Variants in MAML3 observed in about 807,000 individuals in gnomAD.
MAML3 encodes mastermind like transcriptional coactivator 3, also known as mastermind-like protein 3.
Under a neutral mutation model 101.9 loss-of-function variants are expected in MAML3, and 27 were observed. The observed-to-expected ratio is 0.27, with a 90% CI of 0.20 to 0.37. The LOEUF is 0.37. Ranked by LOEUF, MAML3 falls within the 10% of genes least tolerant of loss-of-function variation. MAML3 has a pLI of 1.00. For synonymous variants in MAML3, 501 were observed against 555.9 expected, an observed-to-expected ratio of 0.90 and a Z score of 1.39; for missense variants, 1,316 against 1,444.9, an observed-to-expected ratio of 0.91 and a Z score of 1.45.
At chr4:139,974,450 A>G (rs1056711521) in intron 1 of MAML3, among the ~76,000 whole-genome samples, 1 of 152,160 alleles carries the variant, frequency 6.6e-6, no homozygotes, top group Non-Finnish European at 1.5e-5. Context: ...TACTATGTTA[A>G]CCACTATTAT....
At chr4:139,830,928 A>T (rs1483277102) in intron 2 of MAML3, among the ~76,000 whole-genome samples, 1 of 152,168 alleles carries the variant, frequency 6.6e-6, no homozygotes, top group East Asian at 1.9e-4. Flanking sequence ...TGAGGATACA[A>T]AGGATTCCTT....
rs780078440 is a variant in MAML3, at chr4:139,719,680, G to C, written c.3060C>G (p.Thr1020=). 2 of 1,613,326 alleles carry C rather than the reference G, an allele frequency of 1.2e-6. No homozygotes were observed. The highest frequency in any genetic ancestry group is 1.7e-6 in the Non-Finnish European group (2 of 1,179,724). ...GCCGACCCATGGCAGCTGGGTTGAG[G>C]GTCCTCACTGTGCCCGTGTTAGCAT... is the stretch of plus-strand genomic sequence containing the variant. ...VVDANTGTVR[T]LNPAAMGRQM... is the part of the protein sequence containing the mutation. Residue 1020 remains threonine, a synonymous_variant, in exon 5 of 5, where the codon ACC becomes ACG. Coordinates refer to ENST00000509479, the MANE Select transcript of MAML3 (RefSeq NM_018717.5).
At chr4:139,878,163 A>G (rs1171855863) in intron 2 of MAML3, among the ~76,000 whole-genome samples, 1 of 152,204 alleles carries the variant, frequency 6.6e-6, no homozygotes, top group East Asian at 1.9e-4. Flanking sequence ...TGGCCACGGA[A>G]GGAATAATGC....
intron 1 of MAML3, among the ~76,000 whole-genome samples, chr4:140,116,792 T>C (rs1186635174): frequency 1.3e-5 from 2 of 152,256 alleles, no homozygotes; most frequent in Non-Finnish European, 2.9e-5. Flanking sequence ...CTTGTAAAGA[T>C]GTGACTAGGG....
intron 1 of MAML3, among the ~76,000 whole-genome samples, chr4:140,136,141 C>T (rs1728879532): frequency 6.6e-6 from 1 of 152,152 alleles, no homozygotes; most frequent in Admixed American, 6.5e-5. Context: ...TTTTGGCTCT[C>T]CCCACTCATT....
chr4:139,745,783 C>T (rs1729299642), intron 2 of MAML3, among the ~76,000 whole-genome samples: 1 of 152,206 alleles, frequency 6.6e-6, no homozygotes, highest in Admixed American at 6.5e-5. Context: ...GGATTTTAAA[C>T]ATACCACCTG....
At chr4:139,825,316 T>C (rs1317796288) in intron 2 of MAML3, among the ~76,000 whole-genome samples, 1 of 152,214 alleles carries the variant, frequency 6.6e-6, no homozygotes, top group Non-Finnish European at 1.5e-5. Flanking sequence ...ATTTACTTTC[T>C]CTGGCTGAAC....
chr4:139,799,244 A>G (rs1730566214), intron 2 of MAML3, among the ~76,000 whole-genome samples: 1 of 152,210 alleles, frequency 6.6e-6, no homozygotes, highest in African/African-American at 2.4e-5. Flanking sequence ...TAAGCGACCA[A>G]CTTCTAAAGC....
At chr4:140,051,773 A>T (rs1727273671) in intron 1 of MAML3, among the ~76,000 whole-genome samples, 1 of 152,136 alleles carries the variant, frequency 6.6e-6, no homozygotes, top group African/African-American at 2.4e-5. Context: ...TGGATGTTAC[A>T]TTGTGCTATT....
chr4:139,742,395 C>T (rs7692273), intron 2 of MAML3, among the ~76,000 whole-genome samples: 107,299 of 152,040 alleles, frequency 0.71, 38,524 homozygotes, highest in Non-Finnish European at 0.79. Flanking sequence ...GTAATCTGCC[C>T]GCCTTGGCCT....
chr4:140,120,130 G>A (rs1411557242), intron 1 of MAML3, among the ~76,000 whole-genome samples: 1 of 151,672 alleles, frequency 6.6e-6, no homozygotes, highest in Admixed American at 6.6e-5. Flanking sequence ...CCAGCTACTC[G>A]GGAGGCTGAG....
At chr4:139,956,886 G>A (rs771501387) in intron 1 of MAML3, among the ~76,000 whole-genome samples, 1 of 152,188 alleles carries the variant, frequency 6.6e-6, no homozygotes, top group Non-Finnish European at 1.5e-5. Context: ...CTGACCCTTA[G>A]AACAGATGAC....
intron 1 of MAML3, among the ~76,000 whole-genome samples, chr4:139,994,316 A>C (rs1049225890): frequency 6.6e-6 from 1 of 152,150 alleles, no homozygotes; most frequent in African/African-American, 2.4e-5. Flanking sequence ...CTTTTTAAAT[A>C]TTATTGGGAA....
At chr4:139,747,062 A>G (rs1297512226) in intron 2 of MAML3, among the ~76,000 whole-genome samples, 2 of 152,140 alleles carry the variant, frequency 1.3e-5, no homozygotes, top group African/African-American at 2.4e-5. Flanking sequence ...TGCAGCCCTT[A>G]GTGGTTTTGT....
At chr4:139,893,665 T>C (rs912577625) in intron 1 of MAML3, among the ~76,000 whole-genome samples, 2 of 152,168 alleles carry the variant, frequency 1.3e-5, no homozygotes, top group Non-Finnish European at 2.9e-5. Context: ...AGCCTCTACA[T>C]TCCTGGTTTT....
chr4:139,792,947 C>T (rs904450846), intron 2 of MAML3, among the ~76,000 whole-genome samples: 2 of 151,990 alleles, frequency 1.3e-5, no homozygotes, highest in African/African-American at 2.4e-5. Context: ...GGGGTTTCAC[C>T]ATGTTAGCCA....
At chr4:139,982,481 T>C (rs115821353) in intron 1 of MAML3, among the ~76,000 whole-genome samples, 2,211 of 152,282 alleles carry the variant, frequency 0.015, 52 homozygotes, top group African/African-American at 0.049. Context: ...GGGTCCCACA[T>C]GTGTTCATTG....
intron 1 of MAML3, among the ~76,000 whole-genome samples, chr4:139,974,262 C>T (rs565694417): frequency 6.6e-5 from 10 of 152,160 alleles, no homozygotes; most frequent in South Asian, 4.2e-4. Flanking sequence ...CCCACCACCA[C>T]GCCCAGCTAA....
At chr4:139,855,875 A>G (rs912792848) in intron 2 of MAML3, among the ~76,000 whole-genome samples, 5 of 152,254 alleles carry the variant, frequency 3.3e-5, no homozygotes, top group African/African-American at 1.2e-4. Flanking sequence ...GCTTCCTAAT[A>G]AAAATTCCGT....
Sources: gnomAD v4.1 joint callset for allele counts (sites outside exome capture counted in the v4.1 genomes callset) on GRCh38, gnomAD v4.1.1 for gene constraint, MANE v1.5 for transcripts, NCBI Gene and HGNC (gene_info 2026-07-23, HGNC 2026-07-21) for gene names.